The following CC2D2A variants were observed in gnomAD, a reference collection of about 807,000 sequenced individuals.
CC2D2A encodes coiled-coil and C2 domain containing 2A, also known as coiled-coil and C2 domain-containing protein 2A.
CC2D2A carries 155 observed loss-of-function variants against 212.9 expected under a neutral mutation model. The observed-to-expected ratio is 0.73, with a 90% CI of 0.64 to 0.83. CC2D2A has a LOEUF of 0.83. Among genes scored for constraint, CC2D2A ranks in the 40% least tolerant of loss-of-function variants. CC2D2A has a pLI of 0.00. For missense variants in CC2D2A, 1,856 were observed against 1,956.2 expected, an observed-to-expected ratio of 0.95 and a Z score of 0.97; for synonymous variants, 667 against 686.5, an observed-to-expected ratio of 0.97 and a Z score of 0.44.
chr4:15,571,618 A>AAG (rs1297029690), intron 28 of CC2D2A, among the ~76,000 whole-genome samples: 16 of 151,710 alleles, frequency 1.1e-4, no homozygotes, highest in Non-Finnish European at 2.4e-4. Flanking sequence ...AAAAAAAAAA[A>AAG]AAGACCAAAA....
intron 4 of CC2D2A, among the ~76,000 whole-genome samples, chr4:15,495,184 C>T (rs1245362269): frequency 6.6e-6 from 1 of 152,326 alleles, no homozygotes; most frequent in African/African-American, 2.4e-5. Flanking sequence ...TCTTGGTTCA[C>T]TGCAGCCTCC....
At chr4:15,536,623 T>A (rs1272887943) in intron 14 of CC2D2A, among the ~76,000 whole-genome samples, 3 of 152,086 alleles carry the variant, frequency 2.0e-5, no homozygotes, top group African/African-American at 7.2e-5. Flanking sequence ...ACCACACAGA[T>A]CATTTAACAC....
At chr4:15,589,294 T>G (rs1489252219) in intron 32 of CC2D2A, among the ~76,000 whole-genome samples, 8 of 152,194 alleles carry the variant, frequency 5.3e-5, no homozygotes, top group Non-Finnish European at 1.2e-4. Context: ...GATATACTGG[T>G]TGAGTAAGAT....
rs369398469 is a variant in CC2D2A, at chr4:15,540,849, G to A, written c.2016G>A (p.Ser672=). The change falls in exon 17 of 37, where the codon TCG becomes TCA. Residue 672 remains serine (S), a synonymous_variant. Coordinates refer to ENST00000424120, the MANE Select transcript of CC2D2A (RefSeq NM_001378615.1). The part of the protein sequence containing the change: ...PNDQCPRAEV[S]RREDVKKRSV... ...TCTCCTTTTGCAGAGCGGAGGTCTCGAGAAGGGAGGATGTAAAGAAGCGCT... is the reference window on the plus strand; with the variant it reads ...TCTCCTTTTGCAGAGCGGAGGTCTCAAGAAGGGAGGATGTAAAGAAGCGCT... 2.3e-5 allele frequency: 37 copies of A among 1,598,698 alleles called. No individual in the cohort carries two copies. The highest frequency in any genetic ancestry group is 1.7e-4 in the Admixed American group (10 of 58,008).
intron 4 of CC2D2A, among the ~76,000 whole-genome samples, chr4:15,501,875 G>T (rs2108997563): frequency 6.6e-6 from 1 of 152,268 alleles, no homozygotes; most frequent in East Asian, 1.9e-4. Context: ...GATAGTTCAT[G>T]ATATTTATGG....
At chr4:15,494,860 A>T (rs1387694906) in intron 4 of CC2D2A, among the ~76,000 whole-genome samples, 1 of 152,232 alleles carries the variant, frequency 6.6e-6, no homozygotes, top group Non-Finnish European at 1.5e-5. Flanking sequence ...TAACAGGGTG[A>T]AGCATATGTA....
chr4:15,596,457 A>G (rs914132224), intron 34 of CC2D2A, among the ~76,000 whole-genome samples: 1 of 152,214 alleles, frequency 6.6e-6, no homozygotes, highest in African/African-American at 2.4e-5. Flanking sequence ...AAGTACCACA[A>G]AATGTATTCC....
intron 29 of CC2D2A, among the ~76,000 whole-genome samples, chr4:15,579,590 C>T (rs533624780): frequency 5.9e-5 from 9 of 152,202 alleles, no homozygotes; most frequent in African/African-American, 2.2e-4. Flanking sequence ...CTGGGGCCGC[C>T]CCCCAGCCTG....
At chr4:15,522,319 C>G (rs1436184918) in intron 11 of CC2D2A, among the ~76,000 whole-genome samples, 3 of 152,294 alleles carry the variant, frequency 2.0e-5, no homozygotes, top group Middle Eastern at 3.4e-3. Flanking sequence ...CCTCAGAGCG[C>G]TTGGATCTGA....
intron 4 of CC2D2A, 119 bp downstream of exon 4, chr4:15,480,946 C>G (rs1212840855): frequency 8.4e-7 from 1 of 1,186,170 alleles, no homozygotes. Flanking sequence ...TGCTGCTCCA[C>G]CCACTTTACC....
chr4:15,586,354 T>G (rs1720856541), intron 31 of CC2D2A, 108 bp downstream of exon 31: 1 of 634,736 alleles, frequency 1.6e-6, no homozygotes. Context: ...CATAAAAATC[T>G]AATTGGCTGT....
intron 3 of CC2D2A, chr4:15,479,107 A>G (rs1162449868): frequency 2.6e-6 from 2 of 774,892 alleles, no homozygotes; most frequent in African/African-American, 3.4e-5. Flanking sequence ...AGCCTGTTTT[A>G]GTGCTTCATT....
chr4:15,570,781 G>A (rs1033264485), intron 28 of CC2D2A, among the ~76,000 whole-genome samples: 11 of 151,032 alleles, frequency 7.3e-5, no homozygotes, highest in African/African-American at 2.5e-4. Flanking sequence ...GCTTGAACCA[G>A]GGAGGCTGAG....
At chr4:15,480,390 G>C (rs1047813268) in intron 3 of CC2D2A, among the ~76,000 whole-genome samples, 1 of 152,156 alleles carries the variant, frequency 6.6e-6, no homozygotes, top group Non-Finnish European at 1.5e-5. Context: ...TTGAAGTTGG[G>C]AACAAACTGA....
intron 4 of CC2D2A, among the ~76,000 whole-genome samples, chr4:15,500,107 G>GTATA (rs55743422): frequency 3.1e-4 from 35 of 112,928 alleles, no homozygotes; most frequent in Non-Finnish European, 5.3e-4. Flanking sequence ...GTGTGTGTGT[G>GTATA]TATATATATA....
rs939512824 is a variant in CC2D2A at position 15,549,237 on chromosome 4, A to T, written c.2182-1587A>T. Among the ~76,000 whole-genome samples the T allele has an allele frequency of 3.9e-5, 6 of 152,122 alleles. No homozygotes were observed. The South Asian group carries it at 1.2e-3, about 32-fold the overall frequency. On this transcript the variant is annotated intron_variant, in intron 17 of 36. Coordinates refer to ENST00000424120, the MANE Select transcript of CC2D2A (RefSeq NM_001378615.1). ...ATGTGTTTGAAATTTTCCATAAAAGACTTTTTAGTATAGATCAAAATATTG... is the reference window on the plus strand; with the variant it reads ...ATGTGTTTGAAATTTTCCATAAAAGTCTTTTTAGTATAGATCAAAATATTG...
chr4:15,502,106 A>G lies in CC2D2A; in HGVS notation c.248-323A>G, dbSNP rs1309186930. Among the ~76,000 whole-genome samples the G allele has an allele frequency of 2.0e-5, 3 of 152,210 alleles. No individual in the cohort carries two copies. In the East Asian group the frequency reaches 5.8e-4, roughly 29 times the overall value. On this transcript the variant is annotated intron_variant, in intron 4 of 36. Coordinates refer to ENST00000424120, the MANE Select transcript of CC2D2A (RefSeq NM_001378615.1). The stretch of plus-strand genomic sequence containing the variant: ...CCCAGTGGCAATTGAATTGGTAAGT[A>G]TTCATGTGCCTTGAACAATCAAGTG...
At chr4:15,500,107 G>GTGTGTATATATATATATATATATATA (rs1479141284) in intron 4 of CC2D2A, among the ~76,000 whole-genome samples, 2 of 112,930 alleles carry the variant, frequency 1.8e-5, no homozygotes, top group Non-Finnish European at 3.5e-5. Context: ...GTGTGTGTGT[G>GTGTGTATATATATATATATATATATA]TATATATATA....
chr4:15,516,766 C>T lies in CC2D2A; in HGVS notation c.1149+10C>T, dbSNP rs752000548. Reference sequence around the variant, plus strand: ...AACACTGTATAAAAAGGTAGACACTCCCCTCTCTCCACTTTTATTAAATGA... The same window carrying T: ...AACACTGTATAAAAAGGTAGACACTTCCCTCTCTCCACTTTTATTAAATGA... On this transcript the variant is annotated intron_variant, in intron 11 of 36. Transcript: ENST00000424120. 2 of 1,607,300 alleles carry T rather than the reference C, an allele frequency of 1.2e-6. No individual in the cohort carries two copies. Among genetic ancestry groups the T allele is most frequent in the Non-Finnish European group, 1.7e-6 (2 of 1,176,360 alleles).
Sources: gnomAD v4.1 joint callset for allele counts (sites outside exome capture counted in the v4.1 genomes callset) on GRCh38, gnomAD v4.1.1 for gene constraint, MANE v1.5 for transcripts, NCBI Gene and HGNC (gene_info 2026-07-23, HGNC 2026-07-21) for gene names.